Variants in SLC39A12 observed in about 807,000 individuals in gnomAD.
SLC39A12 encodes zinc transporter ZIP12.
Under a neutral mutation model 71.1 loss-of-function variants are expected in SLC39A12, and 63 were observed. The ratio of observed to expected loss-of-function variants is 0.89; its 90% CI spans 0.72 to 1.09. The LOEUF is 1.09. Ranked by LOEUF, SLC39A12 falls within the 50% of genes least tolerant of loss-of-function variation. SLC39A12 has a pLI of 0.00. For synonymous variants in SLC39A12, 351 were observed against 301.3 expected (o/e 1.16, Z -1.71); for missense variants, 892 against 812.6 (o/e 1.10, Z -1.19).
intron 12 of SLC39A12, among the ~76,000 whole-genome samples, chr10:18,016,969 C>G (rs1233119858): frequency 6.6e-6 from 1 of 152,018 alleles, no homozygotes; most frequent in South Asian, 2.1e-4. Flanking sequence ...CATGTTTTCC[C>G]CAAGTCTGTG....
At chr10:17,998,039 C>G (rs1426984015) in intron 10 of SLC39A12, among the ~76,000 whole-genome samples, 3 of 152,182 alleles carry the variant, frequency 2.0e-5, no homozygotes, top group Non-Finnish European at 4.4e-5. Context: ...CGCTCTGTCA[C>G]CCAGGCTGGA....
At chr10:18,038,075 T>G (rs73607896) in intron 12 of SLC39A12, among the ~76,000 whole-genome samples, 3,218 of 134,138 alleles carry the variant, frequency 0.024, 164 homozygotes, top group African/African-American at 0.089. Flanking sequence ...TATGGCAAGT[T>G]ATCATAGGGT....
Position 18,000,704 on chromosome 10 carries a change from T to TG in SLC39A12, c.1642dup (p.Asp548GlyfsTer5), listed in dbSNP as rs139097417. The TG allele has an allele frequency of 6.2e-7, 1 of 1,614,150 alleles. No individual in the cohort carries two copies. The highest frequency in any genetic ancestry group is 1.3e-5 in the African/African-American group (1 of 75,040). On this transcript the variant is annotated frameshift_variant, in exon 11 of 13. Transcript: ENST00000377369. LOFTEE classifies it high-confidence loss of function. ...GCTTGTTAGCAATCATGATTCTGGTTGGGGACAGCCTGCATAATTTTGCAG... is the reference window on the plus strand; with the variant it reads ...GCTTGTTAGCAATCATGATTCTGGTTGGGGGACAGCCTGCATAATTTTGCAG...
At chr10:18,011,150 C>T (rs888670591) in intron 12 of SLC39A12, among the ~76,000 whole-genome samples, 3 of 151,866 alleles carry the variant, frequency 2.0e-5, no homozygotes, top group Non-Finnish European at 2.9e-5. Flanking sequence ...AGTGCAGTGG[C>T]GCGATCTCAA....
intron 12 of SLC39A12, 161 bp downstream of exon 12, chr10:18,003,519 C>T: frequency 1.7e-6 from 1 of 589,938 alleles, no homozygotes; most frequent in Non-Finnish European, 2.7e-6. Context: ...AAAGTGCATT[C>T]TGGGCAGAAA....
At chr10:17,965,190 A>G (rs1834792538) in intron 3 of SLC39A12, among the ~76,000 whole-genome samples, 1 of 151,994 alleles carries the variant, frequency 6.6e-6, no homozygotes, top group Non-Finnish European at 1.5e-5. Context: ...CTGGGCAGCA[A>G]GAGCTAAACT....
intron 4 of SLC39A12, 21 bp from the exon 5 acceptor site, chr10:17,977,881 G>C: frequency 6.4e-7 from 1 of 1,554,524 alleles, no homozygotes; most frequent in Non-Finnish European, 8.7e-7. Flanking sequence ...TGTGACACCA[G>C]ATTTTATATG....
intron 7 of SLC39A12, among the ~76,000 whole-genome samples, chr10:17,989,496 G>C (rs1212264562): frequency 6.6e-6 from 1 of 152,212 alleles, no homozygotes; most frequent in Non-Finnish European, 1.5e-5. Flanking sequence ...AGGTCAGCCT[G>C]AGTCTCCCCC....
chr10:17,967,054 C>T (rs1459277886), intron 4 of SLC39A12, among the ~76,000 whole-genome samples: 1 of 152,058 alleles, frequency 6.6e-6, no homozygotes, highest in African/African-American at 2.4e-5. Context: ...AAAATAAAGT[C>T]CATAAAATGC....
At chr10:18,015,455 C>T (rs1157657852) in intron 12 of SLC39A12, among the ~76,000 whole-genome samples, 1 of 151,760 alleles carries the variant, frequency 6.6e-6, no homozygotes, top group African/African-American at 2.4e-5. Flanking sequence ...AGTGATTCTT[C>T]ATAATAGTGA....
intron 12 of SLC39A12, among the ~76,000 whole-genome samples, chr10:18,024,637 C>G (rs1428732025): frequency 6.6e-6 from 1 of 152,192 alleles, no homozygotes; most frequent in Non-Finnish European, 1.5e-5. Flanking sequence ...CAGAGAAGCA[C>G]ACGCTAGCTA....
intron 12 of SLC39A12, among the ~76,000 whole-genome samples, chr10:18,011,373 G>A (rs938021960): frequency 2.6e-5 from 4 of 152,190 alleles, no homozygotes; most frequent in African/African-American, 9.7e-5. Flanking sequence ...ACAGGCATGA[G>A]CCACTGCACT....
chr10:18,018,256 G>T (rs1438954956), intron 12 of SLC39A12, among the ~76,000 whole-genome samples: 1 of 152,134 alleles, frequency 6.6e-6, no homozygotes. Flanking sequence ...TGCTATACTT[G>T]ATTATGTGTT....
At chr10:17,971,990 A>G (rs993319930) in intron 4 of SLC39A12, among the ~76,000 whole-genome samples, 3 of 152,114 alleles carry the variant, frequency 2.0e-5, no homozygotes, top group Non-Finnish European at 4.4e-5. Flanking sequence ...TCCTCTTAGC[A>G]CCACTTTTGT....
chr10:18,009,746 T>C (rs1204717954), intron 12 of SLC39A12: 1 of 152,196 alleles, frequency 6.6e-6, no homozygotes, highest in Non-Finnish European at 1.5e-5. Flanking sequence ...AATTTCCAGA[T>C]AATTTTCCTT....
At chr10:17,993,132 A>C (rs752150267) in intron 8 of SLC39A12, 49 bp from the exon 9 acceptor site, 4 of 1,350,116 alleles carry the variant, frequency 3.0e-6, no homozygotes, top group South Asian at 1.3e-5. Flanking sequence ...CAAAGACTAC[A>C]CCTGTGTTCT....
At chr10:17,954,497 G>A (rs1241320189) in intron 2 of SLC39A12, among the ~76,000 whole-genome samples, 1 of 151,992 alleles carries the variant, frequency 6.6e-6, no homozygotes, top group East Asian at 1.9e-4. Flanking sequence ...CTCGTGATCT[G>A]CCTGCCGCCA....
rs555897670 is a variant in SLC39A12 at position 17,966,554 on chromosome 10, G to A, written c.751+864G>A. On this transcript the variant is annotated intron_variant, in intron 4 of 12. Transcript: ENST00000377369. The stretch of plus-strand genomic sequence containing the variant: ...CTCTGATTCCTGGCCTCAAGTGATC[G>A]CCTGCCTTGGCCTCCTAAAGTGCTG... Among the ~76,000 whole-genome samples, 19 of 152,024 alleles carry A rather than the reference G, an allele frequency of 1.2e-4. No homozygotes were observed. The South Asian group carries it at 1.5e-3, about 12-fold the overall frequency.
intron 2 of SLC39A12, among the ~76,000 whole-genome samples, chr10:17,959,957 C>T (rs1183518452): frequency 6.6e-6 from 1 of 152,082 alleles, no homozygotes; most frequent in Non-Finnish European, 1.5e-5. Flanking sequence ...AAATAGCACA[C>T]ACATTTGATG....
Sources: allele counts gnomAD v4.1 joint callset (sites outside exome capture counted in the v4.1 genomes callset), GRCh38; gene constraint gnomAD v4.1.1; transcripts MANE v1.5; gene names NCBI Gene and HGNC (gene_info 2026-07-23, HGNC 2026-07-21).